PTPRN2: variants seen among roughly 807,000 people sequenced by gnomAD.
PTPRN2 encodes protein tyrosine phosphatase receptor type N2.
Under a neutral mutation model 118.8 loss-of-function variants are expected in PTPRN2, and 74 were observed. The ratio of observed to expected loss-of-function variants is 0.62; its 90% CI spans 0.52 to 0.76. The LOEUF is 0.76. Ranked by LOEUF, PTPRN2 falls within the 30% of genes least tolerant of loss-of-function variation. The probability of loss-of-function intolerance (pLI) is 0.00; values close to 1 mark genes in which losing one functional copy is unlikely to be tolerated. For missense variants in PTPRN2, 1,481 were observed against 1,394.4 expected (o/e 1.06, Z -0.99); for synonymous variants, 641 against 608.0 (o/e 1.05, Z -0.80).
chr7:157,866,833 C>A (rs191308213), intron 12 of PTPRN2, among the ~76,000 whole-genome samples: 1 of 118,202 alleles, frequency 8.5e-6, no homozygotes, highest in Non-Finnish European at 1.8e-5. Flanking sequence ...CACCACCGCC[C>A]CCCCCCGACG....
chr7:158,337,621 G>A lies in PTPRN2; in HGVS notation c.164-20689C>T, dbSNP rs1414281608. Among the ~76,000 whole-genome samples the A allele has an allele frequency of 1.2e-3, 133 of 109,870 alleles. 2 individuals are homozygous for A. Among genetic ancestry groups the A allele is most frequent in the African/African-American group, 3.9e-3 (110 of 27,960 alleles). 72.1% of individuals were successfully genotyped at this position (109,870 alleles called of 152,430 possible). On this transcript the variant is annotated intron_variant, in intron 2 of 22. Coordinates refer to ENST00000389418, the MANE Select transcript of PTPRN2 (RefSeq NM_002847.5). Reference sequence around the variant, plus strand: ...CACCCACACTCTCACCATAAGAGGAGACACCTGCAGACGTCATTCACACCC... The same window carrying A: ...CACCCACACTCTCACCATAAGAGGAAACACCTGCAGACGTCATTCACACCC...
intron 3 of PTPRN2, among the ~76,000 whole-genome samples, chr7:158,233,989 TA>T (rs1273765656): frequency 6.6e-6 from 1 of 152,130 alleles, no homozygotes; most frequent in Non-Finnish European, 1.5e-5. Context: ...ATTAAAGGCT[TA>T]AATATAAGAC....
intron 12 of PTPRN2, among the ~76,000 whole-genome samples, chr7:157,812,845 G>A (rs1164248562): frequency 6.6e-6 from 1 of 152,142 alleles, no homozygotes; most frequent in African/African-American, 2.4e-5. Context: ...GGTATGTTGA[G>A]AATTCCGTTT....
intron 12 of PTPRN2, among the ~76,000 whole-genome samples, chr7:157,852,804 G>A (rs928780431): frequency 2.0e-5 from 3 of 148,646 alleles, no homozygotes; most frequent in Admixed American, 6.8e-5. Context: ...AGGAGGCAGA[G>A]GTTGCAGTGA....
Position 157,560,728 on chromosome 7 carries a change from C to A in PTPRN2, c.2902+8174G>T, listed in dbSNP as rs1799146937. 6.6e-6 allele frequency among the ~76,000 whole-genome samples: 1 copy of A among 152,224 alleles called. No individual in the cohort carries two copies. On this transcript the variant is annotated intron_variant, in intron 21 of 22. Transcript: ENST00000389418. This position sits in a 1 kb window ranked among gnomAD's most constrained non-coding sequence, Gnocchi z 6.7. ...CTCCCTCTCCCCTTCCCTCCTCCCA[C>A]CTCACCCAATTCTGGGCACTTTTTC...
At chr7:157,570,639 C>T (rs986822402) in intron 20 of PTPRN2, among the ~76,000 whole-genome samples, 5 of 152,156 alleles carry the variant, frequency 3.3e-5, no homozygotes, top group African/African-American at 9.7e-5. Flanking sequence ...GTGGTTTTAA[C>T]GTACTTAGGG....
chr7:158,576,485 A>G (rs1039223905), intron 1 of PTPRN2, among the ~76,000 whole-genome samples: 4 of 152,196 alleles, frequency 2.6e-5, no homozygotes, highest in Admixed American at 2.0e-4. Context: ...CACCAGGGAC[A>G]TGGGGGCTGC....
chr7:158,385,483 A>G (rs1414789201), intron 2 of PTPRN2, among the ~76,000 whole-genome samples: 2 of 152,236 alleles, frequency 1.3e-5, no homozygotes, highest in Non-Finnish European at 2.9e-5. Flanking sequence ...ATGGAAAATC[A>G]GAAGTTTGGG....
intron 11 of PTPRN2, among the ~76,000 whole-genome samples, chr7:157,991,151 G>A (rs182556235): frequency 1.3e-4 from 20 of 152,314 alleles, no homozygotes; most frequent in Non-Finnish European, 2.4e-4. Flanking sequence ...TCCCTGAGAG[G>A]CACCCAGCCT....
rs572901365 is a variant in PTPRN2, at chr7:157,813,364, G to A, written c.1788+85309C>T. Among the ~76,000 whole-genome samples, 16 of 152,262 alleles carry A rather than the reference G, an allele frequency of 1.1e-4. No individual in the cohort carries two copies. Among genetic ancestry groups the A allele is most frequent in the African/African-American group, 2.2e-4 (9 of 41,516 alleles). The stretch of plus-strand genomic sequence containing the variant: ...ACAAAGACCAAGGACAGCGGGGAAC[G>A]GTGGGGAGGGAAGAGGGTGGGAGAC... On this transcript the variant is annotated intron_variant, in intron 12 of 22. Coordinates refer to ENST00000389418, the MANE Select transcript of PTPRN2 (RefSeq NM_002847.5). The surrounding 1 kb of genome is among the most constrained non-coding windows in gnomAD (Gnocchi z 4.7).
At chr7:157,746,653 C>A (rs1020382927) in intron 12 of PTPRN2, among the ~76,000 whole-genome samples, 21 of 151,706 alleles carry the variant, frequency 1.4e-4, no homozygotes, top group Non-Finnish European at 2.5e-4. Context: ...CCTCTATACA[C>A]CCCACAGTCT....
At position 158,071,499 on chromosome 7, in the gene PTPRN2, C is replaced by G. The variant is rs1161351250; in HGVS notation, c.1723+9799G>C. ...GGAGGTTCTCATGGTGCAGGTGCTC[C>G]TGGTGGAGATGCTCGTGGTGGTGGA... On this transcript the variant is annotated intron_variant, in intron 11 of 22. Transcript: ENST00000389418. 9.3e-4 allele frequency among the ~76,000 whole-genome samples: 103 copies of G among 110,616 alleles called. 4 individuals carry two copies. Among genetic ancestry groups the G allele is most frequent in the African/African-American group, 2.6e-3 (60 of 23,176 alleles). 72.6% of individuals were successfully genotyped at this position (110,616 alleles called of 152,430 possible). A position where few individuals can be genotyped will look rare whatever the true frequency, so the allele number is the denominator to read the frequency against.
At chr7:157,739,133 T>G (rs921301357) in intron 12 of PTPRN2, 1 of 152,188 alleles carries the variant, frequency 6.6e-6, no homozygotes, top group Non-Finnish European at 1.5e-5. Context: ...ACTGCAGACA[T>G]GAAGAGCCAC....
At chr7:157,875,334 G>T (rs1324758542) in intron 12 of PTPRN2, among the ~76,000 whole-genome samples, 1 of 152,198 alleles carries the variant, frequency 6.6e-6, no homozygotes, top group Admixed American at 6.5e-5. Context: ...GAGGGAGCGC[G>T]TGAGGGCTTC....
intron 13 of PTPRN2, among the ~76,000 whole-genome samples, chr7:157,662,520 G>T (rs1263564): frequency 0.041 from 6,170 of 152,254 alleles, 357 homozygotes; most frequent in East Asian, 0.28. Context: ...AAGGGGTGCC[G>T]TGGGGCCGGG....
chr7:157,924,762 C>T (rs1050249666), intron 11 of PTPRN2, among the ~76,000 whole-genome samples: 1 of 152,282 alleles, frequency 6.6e-6, no homozygotes, highest in Admixed American at 6.5e-5. Context: ...GACTGAGATG[C>T]ACAGTTCTCA....
chr7:158,052,853 C>T (rs1010698098), intron 11 of PTPRN2, among the ~76,000 whole-genome samples: 3 of 152,198 alleles, frequency 2.0e-5, no homozygotes, highest in African/African-American at 2.4e-5. Flanking sequence ...CACGTTCCCT[C>T]GAGGCCAGGC....
At chr7:157,580,814 C>T (rs1322312351) in intron 17 of PTPRN2, among the ~76,000 whole-genome samples, 1 of 113,174 alleles carries the variant, frequency 8.8e-6, no homozygotes, top group South Asian at 3.4e-4. Flanking sequence ...CTGCACACCC[C>T]AGCACCTGCA....
intron 3 of PTPRN2, among the ~76,000 whole-genome samples, chr7:158,262,222 A>C (rs1385248455): frequency 6.6e-6 from 1 of 152,154 alleles, no homozygotes; most frequent in Non-Finnish European, 1.5e-5. Context: ...AAGCATACAC[A>C]CTTGCATGGA....
Sources: allele counts gnomAD v4.1 joint callset (sites outside exome capture counted in the v4.1 genomes callset), GRCh38; gene constraint gnomAD v4.1.1; non-coding constraint Gnocchi (gnomAD v3.1); transcripts MANE v1.5; gene names NCBI Gene and HGNC (gene_info 2026-07-23, HGNC 2026-07-21).